UBR3: variants seen among roughly 807,000 people sequenced by gnomAD.
UBR3 encodes E3 ubiquitin-protein ligase UBR3.
In UBR3, 85 loss-of-function variants were observed where a neutral mutation model predicts 243.2. That is an observed-to-expected ratio of 0.35 (90% confidence interval 0.29 to 0.42). The LOEUF (loss-of-function observed/expected upper bound fraction) is 0.42. UBR3 is among the 10% of genes least tolerant of loss of function. UBR3 has a pLI of 1.00. For missense variants in UBR3, 1,686 were observed against 2,300.8 expected (o/e 0.73, Z 5.47); for synonymous variants, 748 against 799.8 (o/e 0.94, Z 1.09).
chr2:169,846,184 G>C lies in UBR3; in HGVS notation c.545+18132G>C. On this transcript the variant is annotated intron_variant, in intron 1 of 38. Coordinates refer to ENST00000272793, the MANE Select transcript of UBR3 (RefSeq NM_172070.4). ...AGTCTCCAAATATAACCGTGGATTTGTCTCTATTTCCTTGAAGTTGTCAAT... is the reference window on the plus strand; with the variant it reads ...AGTCTCCAAATATAACCGTGGATTTCTCTCTATTTCCTTGAAGTTGTCAAT... 1.3e-5 allele frequency among the ~76,000 whole-genome samples: 2 copies of C among 152,128 alleles called. 1 individual carries two copies. The highest frequency in any genetic ancestry group is 4.8e-5 in the African/African-American group (2 of 41,420).
chr2:169,876,861 GC>G (rs1317713562), intron 3 of UBR3, among the ~76,000 whole-genome samples: 7 of 152,102 alleles, frequency 4.6e-5, no homozygotes, highest in African/African-American at 1.7e-4. Context: ...ACCACGCCCG[GC>G]CCTACGTCTC....
chr2:170,044,060 G>C (rs1414385497), intron 32 of UBR3, among the ~76,000 whole-genome samples: 1 of 152,114 alleles, frequency 6.6e-6, no homozygotes, highest in East Asian at 1.9e-4. Flanking sequence ...ATTTTCCACA[G>C]AGGTTTTTTT....
intron 10 of UBR3, among the ~76,000 whole-genome samples, chr2:169,911,706 G>A (rs531154378): frequency 3.3e-5 from 5 of 152,174 alleles, no homozygotes; most frequent in East Asian, 3.9e-4. Flanking sequence ...TTACACTTGC[G>A]CTAAGAGCAT....
chr2:169,831,861 G>T (rs1490477558), intron 1 of UBR3, among the ~76,000 whole-genome samples: 1 of 152,138 alleles, frequency 6.6e-6, no homozygotes, highest in Non-Finnish European at 1.5e-5. Flanking sequence ...AATGTGTGTT[G>T]ATTTTGGGGT....
intron 37 of UBR3, chr2:170,080,242 C>A: frequency 1.7e-6 from 1 of 585,716 alleles, no homozygotes; most frequent in Non-Finnish European, 2.9e-6. Flanking sequence ...GTTCTCCTTT[C>A]ATCTACTATC....
At chr2:170,004,594 G>A (rs1325483363) in intron 27 of UBR3, among the ~76,000 whole-genome samples, 1 of 152,118 alleles carries the variant, frequency 6.6e-6, no homozygotes, top group African/African-American at 2.4e-5. Flanking sequence ...GAGTGACTTG[G>A]CAGGTGAGGA....
intron 11 of UBR3, among the ~76,000 whole-genome samples, chr2:169,921,069 A>T (rs6730980): frequency 0.27 from 40,868 of 152,104 alleles, 5,707 homozygotes; most frequent in East Asian, 0.42. Flanking sequence ...AAGTAAACAT[A>T]ATTTGATACC....
rs562622164 is a variant in UBR3, at chr2:169,855,435, G to T, written c.546-16801G>T. 2.0e-5 allele frequency among the ~76,000 whole-genome samples: 3 copies of T among 152,150 alleles called. No individual in the cohort carries two copies. The South Asian group carries it at 6.3e-4, about 32-fold the overall frequency. On this transcript the variant is annotated intron_variant, in intron 1 of 38. Transcript: ENST00000272793. ...CAGGGTCATAGGACAATAGTGGAGG[G>T]AAGGTCAGGAGATAAACATGTGAAC...
In UBR3 at chr2:169,838,385, ATTTGTGTGTGTGTGTGTGTGTGTG is replaced by A. The variant is rs1172528140; in HGVS notation, c.545+10335_545+10358del. Among the ~76,000 whole-genome samples the A allele has an allele frequency of 2.1e-3, 270 of 131,656 alleles. 1 individual carries two copies. Among genetic ancestry groups the A allele is most frequent in the Middle Eastern group, 3.8e-3 (1 of 262 alleles). The allele number at this position is 131,656 out of a possible 152,430, so 86.4% of individuals were successfully genotyped here. A position where few individuals can be genotyped will look rare whatever the true frequency, so the allele number is the denominator to read the frequency against. ...AAGCTGGGAAGTCCAAGATTAAGGC[ATTTGTGTGTGTGTGTGTGTGTGTG>A]TGTGTGTGTGTGTGTGTGTGTGTGT... is the stretch of plus-strand genomic sequence containing the variant. On this transcript the variant is annotated intron_variant, in intron 1 of 38. Coordinates refer to ENST00000272793, the MANE Select transcript of UBR3 (RefSeq NM_172070.4).
chr2:169,893,907 T>TTTAACAATGTGTAAA, intron 6 of UBR3, among the ~76,000 whole-genome samples: 1 of 152,122 alleles, frequency 6.6e-6, no homozygotes, highest in Admixed American at 6.5e-5. Flanking sequence ...GCTACCTGAT[T>TTTAACAATGTGTAAA]CTCTTGGGCC....
chr2:170,077,944 G>C (rs1273262255), intron 36 of UBR3: 2 of 551,046 alleles, frequency 3.6e-6, no homozygotes, highest in East Asian at 8.0e-5. Context: ...TTTAGACAGA[G>C]GGACTTTCCA....
At chr2:169,916,252 G>C (rs10930387) in intron 11 of UBR3, among the ~76,000 whole-genome samples, 148,642 of 152,274 alleles carry the variant, frequency 0.98, 72,642 homozygotes, top group East Asian at 1. Context: ...CACTGTAGGA[G>C]TTATTCTAGT....
rs115427632 is a variant in UBR3, at chr2:170,020,298, G to A, written c.4453+4932G>A. ...AAAAGGTATAAATTAATACAAAAAT[G>A]TGTAAATTGTCTCCTGAGACTAGTT... On this transcript the variant is annotated intron_variant, in intron 30 of 38. Coordinates refer to ENST00000272793, the MANE Select transcript of UBR3 (RefSeq NM_172070.4). 2.3e-3 allele frequency among the ~76,000 whole-genome samples: 347 copies of A among 152,246 alleles called. 1 individual carries two copies. Among genetic ancestry groups the A allele is most frequent in the African/African-American group, 7.4e-3 (308 of 41,542 alleles).
At chr2:170,016,936 T>C (rs754991016) in intron 30 of UBR3, 1 of 673,032 alleles carries the variant, frequency 1.5e-6, no homozygotes, top group South Asian at 3.6e-5. Context: ...TAATATTTCT[T>C]AGTTTTTGTA....
chr2:169,993,293 T>C (rs902053490), intron 25 of UBR3, among the ~76,000 whole-genome samples: 4 of 152,254 alleles, frequency 2.6e-5, no homozygotes, highest in African/African-American at 9.6e-5. Context: ...TTAATGTATA[T>C]ACCACTTTAC....
At chr2:170,007,547 C>T (rs758176134) in intron 28 of UBR3, among the ~76,000 whole-genome samples, 7 of 152,098 alleles carry the variant, frequency 4.6e-5, no homozygotes, top group Non-Finnish European at 8.8e-5. Context: ...AACTTAAGGT[C>T]AGGAGTTTGA....
At chr2:169,855,935 C>T (rs2105297070) in intron 1 of UBR3, among the ~76,000 whole-genome samples, 1 of 148,500 alleles carries the variant, frequency 6.7e-6, no homozygotes, top group South Asian at 2.2e-4. Context: ...CAGGCAGAGG[C>T]GCCCCCCACC....
At chr2:169,977,723 C>T (rs546576361) in intron 24 of UBR3, among the ~76,000 whole-genome samples, 2 of 152,324 alleles carry the variant, frequency 1.3e-5, no homozygotes, top group African/African-American at 2.4e-5. Flanking sequence ...CTTTCATTCA[C>T]TGACTCACAT....
At position 169,950,008 on chromosome 2, in the gene UBR3, C is replaced by A; in HGVS notation, c.3488C>A (p.Pro1163His). 1 of 1,596,864 alleles carries A rather than the reference C, an allele frequency of 6.3e-7. No homozygotes were observed. The highest frequency in any genetic ancestry group is 8.5e-7 in the Non-Finnish European group (1 of 1,174,440). The change falls in exon 23 of 39, where the codon CCT (proline) becomes CAT (histidine). Residue 1163 changes from proline (P) to histidine (H), a missense_variant. Coordinates refer to ENST00000272793, the MANE Select transcript of UBR3 (RefSeq NM_172070.4). ...GAGATATGTAGAAAAGTGACCCCTC[C>A]TGTACCACCTAAAAAAGTCACTGCA... ...IEEICRKVTP[P>H]VPPKKVTAAE...
Sources: gnomAD v4.1 joint callset for allele counts (sites outside exome capture counted in the v4.1 genomes callset) on GRCh38, gnomAD v4.1.1 for gene constraint, MANE v1.5 for transcripts, NCBI Gene and HGNC (gene_info 2026-07-23, HGNC 2026-07-21) for gene names.